Variants in TCF12 observed in about 807,000 individuals in gnomAD.
TCF12 encodes transcription factor 12.
In TCF12, 45 loss-of-function variants were observed where a neutral mutation model predicts 86.0. That is an observed-to-expected ratio of 0.52 (90% CI 0.41 to 0.67). TCF12 has a LOEUF of 0.67. TCF12 is among the 30% of genes least tolerant of loss of function. The probability of loss-of-function intolerance (pLI) is 0.00; values close to 1 mark genes in which losing one functional copy is unlikely to be tolerated. For synonymous variants in TCF12, 330 were observed against 299.6 expected (o/e 1.10, Z -1.05); for missense variants, 881 against 859.9 (o/e 1.02, Z -0.31).
At position 57,095,930 on chromosome 15, in the gene TCF12, G is replaced by T. The variant is rs57634030; in HGVS notation, c.325+4039G>T. 9.6e-3 allele frequency among the ~76,000 whole-genome samples: 1,455 copies of T among 152,200 alleles called. 27 individuals carry two copies. Among genetic ancestry groups the T allele is most frequent in the African/African-American group, 0.033 (1,368 of 41,520 alleles). ...TATTTTGCAAATGATTAAAACTAAGGCAGAGGACAATTAAGTGTTTCTTTC... is the reference window on the plus strand; with the variant it reads ...TATTTTGCAAATGATTAAAACTAAGTCAGAGGACAATTAAGTGTTTCTTTC... On this transcript the variant is annotated intron_variant, in intron 5 of 20. Transcript: ENST00000333725.
chr15:56,980,272 T>A (rs949925170), intron 3 of TCF12, among the ~76,000 whole-genome samples: 3 of 152,224 alleles, frequency 2.0e-5, no homozygotes, highest in African/African-American at 7.2e-5. Flanking sequence ...GCTTGGATGT[T>A]GAAATTTAAT....
intron 3 of TCF12, among the ~76,000 whole-genome samples, chr15:56,959,496 T>C (rs1185007663): frequency 1.3e-5 from 2 of 152,236 alleles, no homozygotes; most frequent in Non-Finnish European, 2.9e-5. Context: ...AAAGTTTCTC[T>C]TTGATGACAA....
chr15:57,219,274 A>T, intron 8 of TCF12: 1 of 1,189,954 alleles, frequency 8.4e-7, no homozygotes, highest in Non-Finnish European at 1.0e-6. Context: ...TAATACCTCA[A>T]ATTTTGTCTT....
At chr15:57,018,607 C>T (rs1194163260) in intron 3 of TCF12, among the ~76,000 whole-genome samples, 4 of 151,982 alleles carry the variant, frequency 2.6e-5, no homozygotes, top group Non-Finnish European at 5.9e-5. Flanking sequence ...GGACTACATG[C>T]ACGTGCCAGC....
intron 4 of TCF12, among the ~76,000 whole-genome samples, chr15:57,085,065 C>T (rs781041494): frequency 1.3e-5 from 2 of 152,146 alleles, no homozygotes; most frequent in Non-Finnish European, 2.9e-5. Flanking sequence ...TCCTCTTCCT[C>T]CTAGGCCAGT....
At chr15:57,163,586 C>G (rs2054648065) in intron 5 of TCF12, among the ~76,000 whole-genome samples, 1 of 151,860 alleles carries the variant, frequency 6.6e-6, no homozygotes, top group African/African-American at 2.4e-5. Context: ...ACCTATGGTT[C>G]CAGCTACTTG....
chr15:57,083,684 A>G (rs1460972998), intron 4 of TCF12, among the ~76,000 whole-genome samples: 1 of 152,122 alleles, frequency 6.6e-6, no homozygotes, highest in African/African-American at 2.4e-5. Flanking sequence ...TCCTGGGCTC[A>G]AGGGATTCTT....
intron 5 of TCF12, among the ~76,000 whole-genome samples, chr15:57,142,633 G>C (rs2053061094): frequency 6.6e-6 from 1 of 152,182 alleles, no homozygotes; most frequent in African/African-American, 2.4e-5. Flanking sequence ...GTGAGAAACA[G>C]GATTTTTACC....
At chr15:56,920,939 A>T in intron 2 of TCF12, 87 bp from the exon 3 acceptor site, 1 of 994,620 alleles carries the variant, frequency 1.0e-6, no homozygotes, top group South Asian at 2.4e-5. Flanking sequence ...AAATTTAATA[A>T]CTGATGGATG....
At chr15:57,275,500 G>T (rs1294084550) in intron 19 of TCF12, among the ~76,000 whole-genome samples, 5 of 147,470 alleles carry the variant, frequency 3.4e-5, no homozygotes, top group Non-Finnish European at 7.5e-5. Flanking sequence ...ATAGGGTTTA[G>T]AACCCTTCAT....
At chr15:56,987,432 A>G (rs1220298680) in intron 3 of TCF12, among the ~76,000 whole-genome samples, 30 of 152,124 alleles carry the variant, frequency 2.0e-4, no homozygotes, top group Admixed American at 1.9e-3. Context: ...TTACTTTTAA[A>G]TGTTACTAAC....
At chr15:57,170,697 TTATATATAATATATA>T (rs2055331501) in intron 6 of TCF12, among the ~76,000 whole-genome samples, 2 of 29,676 alleles carry the variant, frequency 6.7e-5, no homozygotes, top group Non-Finnish European at 1.4e-4. Flanking sequence ...ATAATATATA[TTATATATAATATATA>T]ATATATATAT....
At chr15:56,994,379 A>T (rs1176581210) in intron 3 of TCF12, among the ~76,000 whole-genome samples, 2 of 152,180 alleles carry the variant, frequency 1.3e-5, no homozygotes, top group Admixed American at 1.3e-4. Context: ...AGAGGTAGTC[A>T]ACATATAGAA....
At chr15:57,223,643 G>GTTTTTTTTTTTTTGTTTTTTT (rs2058710220) in intron 8 of TCF12, among the ~76,000 whole-genome samples, 1 of 69,666 alleles carries the variant, frequency 1.4e-5, no homozygotes, top group African/African-American at 4.9e-5. Context: ...TACCAATGAG[G>GTTTTTTTTTTTTTGTTTTTTT]TTTTTTTTTT....
intron 4 of TCF12, among the ~76,000 whole-genome samples, chr15:57,084,985 C>T (rs1045589491): frequency 6.6e-6 from 1 of 152,012 alleles, no homozygotes; most frequent in Non-Finnish European, 1.5e-5. Flanking sequence ...AATACTTGCC[C>T]TTGTGCTAAG....
chr15:57,282,841 C>G (rs117726909), intron 20 of TCF12, among the ~76,000 whole-genome samples: 4 of 152,194 alleles, frequency 2.6e-5, no homozygotes, highest in Non-Finnish European at 4.4e-5. Context: ...TTCTTCTGTT[C>G]GGAGTCATCA....
intron 3 of TCF12, among the ~76,000 whole-genome samples, chr15:56,988,604 G>A (rs1266432608): frequency 6.6e-6 from 1 of 152,168 alleles, no homozygotes; most frequent in Non-Finnish European, 1.5e-5. Context: ...CACAAAGAGT[G>A]TGCATATTTA....
intron 17 of TCF12, 94 bp downstream of exon 17, chr15:57,262,302 C>T: frequency 1.1e-6 from 1 of 949,124 alleles, no homozygotes; most frequent in Non-Finnish European, 1.6e-6. Context: ...ATCTGTGAAT[C>T]AAAAGTCATT....
chr15:57,270,925 C>T (rs1478790740), intron 18 of TCF12, among the ~76,000 whole-genome samples: 4 of 152,152 alleles, frequency 2.6e-5, no homozygotes, highest in Non-Finnish European at 5.9e-5. Context: ...GCTGCCTGAT[C>T]CTTCCTCTGG....
Sources: gnomAD v4.1 joint callset for allele counts (sites outside exome capture counted in the v4.1 genomes callset) on GRCh38, gnomAD v4.1.1 for gene constraint, MANE v1.5 for transcripts, NCBI Gene and HGNC (gene_info 2026-07-23, HGNC 2026-07-21) for gene names.